Variants in SPECC1 observed in about 807,000 individuals in gnomAD.
SPECC1 encodes cytospin-B.
Under a neutral mutation model 104.1 loss-of-function variants are expected in SPECC1, and 62 were observed. The observed-to-expected ratio is 0.60, with a 90% confidence interval of 0.49 to 0.74. The LOEUF is 0.74. Ranked by LOEUF, SPECC1 falls within the 30% of genes least tolerant of loss-of-function variation. The pLI, the probability that SPECC1 is intolerant of heterozygous loss-of-function variation, is 0.00. For missense variants in SPECC1, 1,306 were observed against 1,310.5 expected, an observed-to-expected ratio of 1.00 and a Z score of 0.05; for synonymous variants, 513 against 501.6, an observed-to-expected ratio of 1.02 and a Z score of -0.30.
chr17:20,245,004 A>G (rs1401242389), intron 7 of SPECC1, among the ~76,000 whole-genome samples: 5 of 152,218 alleles, frequency 3.3e-5, no homozygotes, highest in Non-Finnish European at 7.3e-5. Context: ...CTCATGAAGA[A>G]CACACCAGGA....
intron 1 of SPECC1, among the ~76,000 whole-genome samples, chr17:20,058,584 G>C (rs1346803591): frequency 5.3e-5 from 8 of 152,140 alleles, no homozygotes; most frequent in Non-Finnish European, 7.4e-5. Context: ...GCTGGGGCCT[G>C]GGTGATTGAG....
In SPECC1 at chr17:20,075,694, C is replaced by T. The variant is rs563950424; in HGVS notation, c.-21-20937C>T. Among the ~76,000 whole-genome samples, 7 of 152,172 alleles carry T rather than the reference C, an allele frequency of 4.6e-5. No individual in the cohort carries two copies. In the East Asian group the frequency reaches 7.7e-4, roughly 17 times the overall value. On this transcript the variant is annotated intron_variant, in intron 1 of 14. Coordinates refer to ENST00000395527, the MANE Select transcript of SPECC1 (RefSeq NM_001243439.2). ...GGCGTCGTAGGTCATGCCTCTAATC[C>T]CAGCATTTTGGGAGGCTGAAACAGG...
chr17:20,171,888 C>G (rs1466908781), intron 3 of SPECC1, among the ~76,000 whole-genome samples: 4 of 152,168 alleles, frequency 2.6e-5, no homozygotes, highest in African/African-American at 7.2e-5. Flanking sequence ...GGTCATTCCT[C>G]TCTTATCTGC....
At chr17:20,088,976 A>C (rs1020893440) in intron 1 of SPECC1, among the ~76,000 whole-genome samples, 2 of 152,234 alleles carry the variant, frequency 1.3e-5, no homozygotes, top group Non-Finnish European at 2.9e-5. Flanking sequence ...CTCACCAGAC[A>C]CTGAATCTGC....
At chr17:20,266,503 G>A (rs2040223600) in intron 12 of SPECC1, among the ~76,000 whole-genome samples, 1 of 152,224 alleles carries the variant, frequency 6.6e-6, no homozygotes, top group South Asian at 2.1e-4. Flanking sequence ...GGAATGGCGT[G>A]AACCCGGGAG....
chr17:20,282,921 G>A (rs2040823094), intron 12 of SPECC1, among the ~76,000 whole-genome samples: 1 of 152,180 alleles, frequency 6.6e-6, no homozygotes, highest in South Asian at 2.1e-4. Context: ...GCTCACGCCT[G>A]TAATCCCAGC....
In SPECC1 at chr17:20,315,805, CG is replaced by C. The variant is rs1322067581; in HGVS notation, c.*1741del. 3 of 232,728 alleles carry C rather than the reference CG, an allele frequency of 1.3e-5. No homozygotes were observed. The highest frequency in any genetic ancestry group is 1.1e-4 in the Admixed American group (2 of 17,752). The allele number at this position is 232,728 out of a possible 1,614,324, so 14.4% of individuals were successfully genotyped here. On this transcript the variant is annotated 3_prime_UTR_variant, in exon 15 of 15. Coordinates refer to ENST00000395527, the MANE Select transcript of SPECC1 (RefSeq NM_001243439.2). ...TCAAGCCACCTTGAGACAAGAACTC[CG>C]CCCCCCTGTTAGTGCATCCCAGCTG...
At chr17:20,189,298 T>G (rs1188550679) in intron 3 of SPECC1, among the ~76,000 whole-genome samples, 1 of 152,108 alleles carries the variant, frequency 6.6e-6, no homozygotes, top group Non-Finnish European at 1.5e-5. Flanking sequence ...AGTTAGGCAA[T>G]GAGGATTTCA....
intron 5 of SPECC1, among the ~76,000 whole-genome samples, chr17:20,228,485 C>T (rs957716004): frequency 3.9e-5 from 6 of 152,112 alleles, no homozygotes; most frequent in Admixed American, 3.9e-4. Flanking sequence ...TCACAGGGAC[C>T]CTTCCTAAGG....
intron 3 of SPECC1, among the ~76,000 whole-genome samples, chr17:20,184,820 G>A (rs1567913306): frequency 6.6e-6 from 1 of 152,210 alleles, no homozygotes; most frequent in Non-Finnish European, 1.5e-5. Flanking sequence ...TTCTTTCCGT[G>A]GTAAAGTGCT....
intron 1 of SPECC1, among the ~76,000 whole-genome samples, chr17:20,075,386 A>G (rs564488881): frequency 1.6e-4 from 24 of 152,214 alleles, no homozygotes; most frequent in Non-Finnish European, 3.4e-4. Flanking sequence ...TGAGTGGTGC[A>G]GCCAGGATGG....
intron 1 of SPECC1, among the ~76,000 whole-genome samples, chr17:20,033,107 G>A (rs1327163731): frequency 6.6e-6 from 1 of 151,844 alleles, no homozygotes; most frequent in Non-Finnish European, 1.5e-5. Flanking sequence ...GGGATTACAG[G>A]CATCCACCAC....
intron 3 of SPECC1, among the ~76,000 whole-genome samples, chr17:20,171,297 A>G (rs1411980457): frequency 6.6e-6 from 1 of 152,178 alleles, no homozygotes; most frequent in Non-Finnish European, 1.5e-5. Context: ...CCTCCTGCAC[A>G]ACTTCCCTGA....
intron 4 of SPECC1, among the ~76,000 whole-genome samples, chr17:20,207,520 T>C (rs1198122764): frequency 6.6e-6 from 1 of 152,226 alleles, no homozygotes; most frequent in East Asian, 1.9e-4. Flanking sequence ...AGTCCCTCTG[T>C]GTTTTTGGTA....
At position 20,188,432 on chromosome 17, in the gene SPECC1, A is replaced by G. The variant is rs547638405; in HGVS notation, c.284-15901A>G. ...ACCACCACGCCTGGCTAATTTTTGT[A>G]TTTTTAGTAGAGACGGGGTTTCACC... is the stretch of plus-strand genomic sequence containing the variant. On this transcript the variant is annotated intron_variant, in intron 3 of 14. Coordinates refer to ENST00000395527, the MANE Select transcript of SPECC1 (RefSeq NM_001243439.2). Among the ~76,000 whole-genome samples, 613 of 151,750 alleles carry G rather than the reference A, an allele frequency of 4.0e-3. 1 individual carries two copies. The highest frequency in any genetic ancestry group is 0.024 in the Middle Eastern group (7 of 292).
intron 12 of SPECC1, among the ~76,000 whole-genome samples, chr17:20,291,757 C>A (rs1032288999): frequency 6.6e-6 from 1 of 151,996 alleles, no homozygotes; most frequent in Non-Finnish European, 1.5e-5. Flanking sequence ...GTTGGCCTGT[C>A]CGGTCTCAAA....
At chr17:20,122,332 T>TG (rs1389292015) in intron 3 of SPECC1, among the ~76,000 whole-genome samples, 2 of 152,036 alleles carry the variant, frequency 1.3e-5, no homozygotes, top group East Asian at 3.9e-4. Flanking sequence ...AGTGGACAGA[T>TG]GGGGTAAGCA....
chr17:20,253,726 TATC>T, intron 10 of SPECC1, 140 bp downstream of exon 10: 1 of 746,618 alleles, frequency 1.3e-6, no homozygotes, highest in East Asian at 2.8e-5. Flanking sequence ...ATAATGTACA[TATC>T]ATGAATGTTA....
intron 12 of SPECC1, among the ~76,000 whole-genome samples, chr17:20,279,885 CAG>C (rs2040708466): frequency 6.6e-6 from 1 of 152,112 alleles, no homozygotes; most frequent in African/African-American, 2.4e-5. Flanking sequence ...GATGCAGAAG[CAG>C]AGTGGCTGAC....
Sources: allele counts gnomAD v4.1 joint callset (sites outside exome capture counted in the v4.1 genomes callset), GRCh38; gene constraint gnomAD v4.1.1; transcripts MANE v1.5; gene names NCBI Gene and HGNC (gene_info 2026-07-23, HGNC 2026-07-21).